The following SNTB1 variants were observed in gnomAD, a reference collection of about 807,000 sequenced individuals.
The protein encoded by SNTB1 is syntrophin beta 1.
Under a neutral mutation model 48.9 loss-of-function variants are expected in SNTB1, and 36 were observed. That is an observed-to-expected ratio of 0.74 (90% confidence interval 0.56 to 0.97). SNTB1 has a LOEUF of 0.97. SNTB1 is among the 50% of genes least tolerant of loss of function. SNTB1 has a pLI of 0.00. For synonymous variants in SNTB1, 299 were observed against 294.6 expected (o/e 1.01, Z -0.15); for missense variants, 786 against 703.4 (o/e 1.12, Z -1.33).
intron 4 of SNTB1, among the ~76,000 whole-genome samples, chr8:120,560,499 T>TAATA (rs1433885551): frequency 6.7e-6 from 1 of 150,012 alleles, no homozygotes; most frequent in Non-Finnish European, 1.5e-5. Context: ...AATAAATAAA[T>TAATA]AATAAATAAA....
intron 1 of SNTB1, among the ~76,000 whole-genome samples, chr8:120,700,167 GTGTGTGTGTGTT>G (rs1344490303): frequency 1.3e-5 from 2 of 151,740 alleles, no homozygotes; most frequent in Non-Finnish European, 2.9e-5. Flanking sequence ...GTGTGTGTGT[GTGTGTGTGTGTT>G]TGTGTGTGTG....
chr8:120,567,789 T>C (rs1489123167), intron 4 of SNTB1, among the ~76,000 whole-genome samples: 1 of 142,982 alleles, frequency 7.0e-6, no homozygotes, highest in Non-Finnish European at 1.5e-5. Context: ...GTATAATAAA[T>C]TTTTTAAAAA....
At chr8:120,695,740 A>T (rs1404085349) in intron 1 of SNTB1, among the ~76,000 whole-genome samples, 1 of 152,196 alleles carries the variant, frequency 6.6e-6, no homozygotes, top group East Asian at 1.9e-4. Flanking sequence ...GGACTCAATC[A>T]TATCAAAAAT....
chr8:120,562,849 C>A (rs1296921273), intron 4 of SNTB1, among the ~76,000 whole-genome samples: 5 of 152,002 alleles, frequency 3.3e-5, no homozygotes, highest in Admixed American at 2.6e-4. Context: ...TTCTTTCACT[C>A]TTCACAATAA....
At chr8:120,632,405 G>C (rs189415770) in intron 3 of SNTB1, 39 bp downstream of exon 3, 6 of 1,576,320 alleles carry the variant, frequency 3.8e-6, no homozygotes, top group Admixed American at 1.7e-5. Flanking sequence ...GGGGAATCTC[G>C]GGGAGGACGA....
In SNTB1 at chr8:120,546,578, C is replaced by T. The variant is rs144786789; in HGVS notation, c.1333+2184G>A. On this transcript the variant is annotated intron_variant, in intron 5 of 6. Transcript: ENST00000517992. ...GCAACCTCTGCCTCCTGGGTTCAAGCGATTTTCCTGCCTCCCAAGTAGCTG... is the reference window on the plus strand; with the variant it reads ...GCAACCTCTGCCTCCTGGGTTCAAGTGATTTTCCTGCCTCCCAAGTAGCTG... Among the ~76,000 whole-genome samples the T allele has an allele frequency of 5.1e-3, 776 of 152,148 alleles. 8 individuals carry two copies. Among genetic ancestry groups the T allele is most frequent in the African/African-American group, 0.018 (735 of 41,534 alleles).
At position 120,699,380 on chromosome 8, in the gene SNTB1, C is replaced by T. The variant is rs146147624; in HGVS notation, c.572-5472G>A. 5.3e-5 allele frequency among the ~76,000 whole-genome samples: 8 copies of T among 152,308 alleles called. No individual in the cohort carries two copies. The East Asian group carries it at 5.8e-4, about 11-fold the overall frequency. ...GACAGATCCCTCATGAATGGCTTAG[C>T]GCCATCCCCTTGGTAATGAGTGAGT... On this transcript the variant is annotated intron_variant, in intron 1 of 6. Coordinates refer to ENST00000517992, the MANE Select transcript of SNTB1 (RefSeq NM_021021.4).
At chr8:120,682,751 G>GTAGATACAT (rs1817953982) in intron 2 of SNTB1, among the ~76,000 whole-genome samples, 1 of 152,100 alleles carries the variant, frequency 6.6e-6, no homozygotes. Flanking sequence ...AGACAAATAG[G>GTAGATACAT]TAGATACATA....
rs866015996 is a variant in SNTB1, at chr8:120,746,323, T to C, written c.572-52415A>G. Among the ~76,000 whole-genome samples the C allele has an allele frequency of 3.6e-4, 55 of 152,256 alleles. No homozygotes were observed. The Middle Eastern group carries it at 0.017, about 47-fold the overall frequency. On this transcript the variant is annotated intron_variant, in intron 1 of 6. Coordinates refer to ENST00000517992, the MANE Select transcript of SNTB1 (RefSeq NM_021021.4). ...ACATTTTTTTCTCTAGCTTACTTCA[T>C]TGTAAAAATACAGTACATAATATAT...
At position 120,602,483 on chromosome 8, in the gene SNTB1, C is replaced by T. The variant is rs117442517; in HGVS notation, c.997-27258G>A. ...AGACCTGAAAAGACCGAGGTTCCCC[C>T]GAAAGAAAGGAATTCTGCCTCTACA... is the stretch of plus-strand genomic sequence containing the variant. On this transcript the variant is annotated intron_variant, in intron 3 of 6. Coordinates refer to ENST00000517992, the MANE Select transcript of SNTB1 (RefSeq NM_021021.4). 5.2e-4 allele frequency among the ~76,000 whole-genome samples: 79 copies of T among 152,264 alleles called. No homozygotes were observed. In the East Asian group the frequency reaches 0.014, roughly 27 times the overall value.
At chr8:120,739,038 T>C (rs1002570657) in intron 1 of SNTB1, among the ~76,000 whole-genome samples, 2 of 152,184 alleles carry the variant, frequency 1.3e-5, no homozygotes, top group African/African-American at 4.8e-5. Flanking sequence ...GAGATGGGCA[T>C]AGCAATGAAC....
intron 4 of SNTB1, among the ~76,000 whole-genome samples, chr8:120,572,277 T>C (rs993192215): frequency 4.6e-5 from 7 of 152,234 alleles, no homozygotes; most frequent in African/African-American, 1.2e-4. Context: ...CTTTGTCTCT[T>C]GGACCAAACT....
At chr8:120,592,387 C>A (rs528046933) in intron 3 of SNTB1, among the ~76,000 whole-genome samples, 8 of 151,904 alleles carry the variant, frequency 5.3e-5, no homozygotes, top group African/African-American at 1.9e-4. Flanking sequence ...GAAGCTGTTG[C>A]TACATTGCCC....
chr8:120,775,088 A>G (rs1012199449), intron 1 of SNTB1, among the ~76,000 whole-genome samples: 1 of 152,226 alleles, frequency 6.6e-6, no homozygotes, highest in Non-Finnish European at 1.5e-5. Flanking sequence ...AATTTTTGTC[A>G]TAACATACTT....
At chr8:120,594,012 T>C (rs1306445974) in intron 3 of SNTB1, among the ~76,000 whole-genome samples, 1 of 152,164 alleles carries the variant, frequency 6.6e-6, no homozygotes. Flanking sequence ...TGTTATGTAT[T>C]ATATATGTAA....
At chr8:120,599,519 G>A (rs1209228831) in intron 3 of SNTB1, among the ~76,000 whole-genome samples, 1 of 152,020 alleles carries the variant, frequency 6.6e-6, no homozygotes, top group African/African-American at 2.4e-5. Flanking sequence ...ATATCGTTTT[G>A]ACAATGATAA....
intron 2 of SNTB1, among the ~76,000 whole-genome samples, chr8:120,663,031 G>A (rs949606583): frequency 2.8e-5 from 4 of 141,612 alleles, no homozygotes; most frequent in East Asian, 2.4e-4. Context: ...TGGTGGGGGG[G>A]GTATTTGGGT....
At chr8:120,591,224 A>G (rs1816235798) in intron 3 of SNTB1, among the ~76,000 whole-genome samples, 1 of 152,142 alleles carries the variant, frequency 6.6e-6, no homozygotes, top group African/African-American at 2.4e-5. Context: ...CCTCAAGAAC[A>G]TGCTTTTTGT....
intron 2 of SNTB1, among the ~76,000 whole-genome samples, chr8:120,666,972 G>A (rs1817681947): frequency 6.6e-6 from 1 of 151,778 alleles, no homozygotes; most frequent in Non-Finnish European, 1.5e-5. Context: ...CTATTTAAAG[G>A]TCCATGTTGG....
Sources: gnomAD v4.1 joint callset for allele counts (sites outside exome capture counted in the v4.1 genomes callset) on GRCh38, gnomAD v4.1.1 for gene constraint, MANE v1.5 for transcripts, NCBI Gene and HGNC (gene_info 2026-07-23, HGNC 2026-07-21) for gene names.